The following SPECC1L variants were observed in gnomAD, a reference collection of about 807,000 sequenced individuals.
SPECC1L encodes cytospin-A.
SPECC1L carries 40 observed loss-of-function variants against 116.8 expected under a neutral mutation model. The observed-to-expected ratio is 0.34, with a 90% CI of 0.27 to 0.45. SPECC1L has a LOEUF of 0.45. Ranked by LOEUF, SPECC1L falls within the 20% of genes least tolerant of loss-of-function variation. SPECC1L has a pLI of 1.00. For synonymous variants in SPECC1L, 504 were observed against 500.6 expected, an observed-to-expected ratio of 1.01 and a Z score of -0.09; for missense variants, 1,110 against 1,373.6, an observed-to-expected ratio of 0.81 and a Z score of 3.03.
chr22:24,303,284 C>T (rs1414483877), intron 3 of SPECC1L, among the ~76,000 whole-genome samples: 1 of 152,172 alleles, frequency 6.6e-6, no homozygotes, highest in African/African-American at 2.4e-5. Flanking sequence ...GAACTGAACC[C>T]AGGCTTATTC....
chr22:24,390,884 T>TTTTTTTTTTTTTTTG (rs2042258460), intron 14 of SPECC1L, among the ~76,000 whole-genome samples: 1 of 124,384 alleles, frequency 8.0e-6, no homozygotes, highest in Non-Finnish European at 1.7e-5. Context: ...TTTTTTTTTT[T>TTTTTTTTTTTTTTTG]TTTTTTTTTT....
intron 2 of SPECC1L, among the ~76,000 whole-genome samples, chr22:24,296,925 G>A (rs1170235268): frequency 1.3e-5 from 2 of 151,646 alleles, no homozygotes; most frequent in Admixed American, 1.3e-4. Context: ...CTTTTCCTAT[G>A]ATCTGCACAG....
At chr22:24,393,288 T>C (rs568027552) in intron 14 of SPECC1L, among the ~76,000 whole-genome samples, 16 of 152,340 alleles carry the variant, frequency 1.1e-4, no homozygotes, top group African/African-American at 3.6e-4. Context: ...GATGCTTTTT[T>C]AATGTTGCCT....
chr22:24,302,358 C>T lies in SPECC1L; in HGVS notation c.127C>T (p.Pro43Ser). ...SASTGGKLVK[P>S]GTAASLSKTK... ...ATCTACGGGAGGCAAACTTGTAAAACCTGGAACAGCAGCATCATTGTCAAA... is the reference window on the plus strand; with the variant it reads ...ATCTACGGGAGGCAAACTTGTAAAATCTGGAACAGCAGCATCATTGTCAAA... Residue 43 changes from proline (P) to serine (S), a missense_variant, in exon 3 of 17, where the codon CCT (proline) becomes TCT (serine). Physicochemically the swap from Pro to Ser is moderately conservative, Grantham distance 74. Transcript: ENST00000314328. 6.2e-7 allele frequency: 1 copy of T among 1,614,118 alleles called. No individual in the cohort carries two copies. Among genetic ancestry groups the T allele is most frequent in the Non-Finnish European group, 8.5e-7 (1 of 1,180,016 alleles).
intron 14 of SPECC1L, among the ~76,000 whole-genome samples, chr22:24,385,032 C>T (rs889054981): frequency 2.0e-5 from 3 of 148,620 alleles, no homozygotes; most frequent in African/African-American, 7.5e-5. Flanking sequence ...CACTGAACTC[C>T]ACCCTGGGGC....
At chr22:24,279,143 G>T (rs917739833) in intron 2 of SPECC1L, among the ~76,000 whole-genome samples, 1 of 152,090 alleles carries the variant, frequency 6.6e-6, no homozygotes, top group African/African-American at 2.4e-5. Flanking sequence ...TTATTATATT[G>T]CCCTATTAAT....
At chr22:24,363,464 C>A in intron 12 of SPECC1L, 120 bp downstream of exon 12, 1 of 865,520 alleles carries the variant, frequency 1.2e-6, no homozygotes, top group Non-Finnish European at 1.9e-6. Flanking sequence ...TGGCCTCAAG[C>A]TGTCCTCTCA....
intron 2 of SPECC1L, among the ~76,000 whole-genome samples, chr22:24,280,191 T>G (rs1381405713): frequency 6.6e-6 from 1 of 152,190 alleles, no homozygotes; most frequent in Non-Finnish European, 1.5e-5. Context: ...AGCCTCCCCT[T>G]GTACATGTAG....
chr22:24,353,966 T>C (rs955905934), intron 11 of SPECC1L, among the ~76,000 whole-genome samples: 2 of 152,214 alleles, frequency 1.3e-5, no homozygotes, highest in South Asian at 4.1e-4. Context: ...ATGCAGGCTG[T>C]ATAGGAGGCA....
chr22:24,414,750 C>A lies in SPECC1L; in HGVS notation c.*127C>A. On this transcript the variant is annotated 3_prime_UTR_variant, in exon 17 of 17. Coordinates refer to ENST00000314328, the MANE Select transcript of SPECC1L (RefSeq NM_015330.6). ...TCTGGGCTGCCCCACAGCGTGTGAG[C>A]CTCCAGCTCGGGGCTTCCGTATTGG... is the stretch of plus-strand genomic sequence containing the variant. 1.3e-6 allele frequency: 1 copy of A among 796,474 alleles called. No individual in the cohort carries two copies. The highest frequency in any genetic ancestry group is 2.1e-6 in the Non-Finnish European group (1 of 474,658). 49.3% of individuals were successfully genotyped at this position (796,474 alleles called of 1,614,324 possible). A position where few individuals can be genotyped will look rare whatever the true frequency, so the allele number is the denominator to read the frequency against.
At chr22:24,340,555 G>A (rs1054238428) in intron 10 of SPECC1L, among the ~76,000 whole-genome samples, 1 of 152,106 alleles carries the variant, frequency 6.6e-6, no homozygotes, top group African/African-American at 2.4e-5. Context: ...CTTCAAATAA[G>A]ATGAACTTTA....
chr22:24,373,380 C>A (rs2041908419), intron 14 of SPECC1L, among the ~76,000 whole-genome samples: 1 of 152,174 alleles, frequency 6.6e-6, no homozygotes, highest in Non-Finnish European at 1.5e-5. Context: ...AACTATACTA[C>A]AAGGCTACAG....
chr22:24,312,490 G>A (rs571341751), intron 3 of SPECC1L, among the ~76,000 whole-genome samples: 2 of 152,324 alleles, frequency 1.3e-5, no homozygotes, highest in Admixed American at 6.5e-5. Flanking sequence ...GCTAACTCAT[G>A]CCAAAGAGAG....
rs200109959 is a variant in SPECC1L, at chr22:24,330,601, G to A, written c.2396+170G>A. Among the ~76,000 whole-genome samples, 10 of 152,294 alleles carry A rather than the reference G, an allele frequency of 6.6e-5. No individual in the cohort carries two copies. In the East Asian group the frequency reaches 1.9e-3, roughly 29 times the overall value. ...CTCATTTTATGGCACATGTAAACTA[G>A]TACCATCTATGTGGATCTTTCAGAG... On this transcript the variant is annotated intron_variant, in intron 8 of 16. Coordinates refer to ENST00000314328, the MANE Select transcript of SPECC1L (RefSeq NM_015330.6).
chr22:24,303,286 G>A (rs2049419261), intron 3 of SPECC1L, among the ~76,000 whole-genome samples: 1 of 152,184 alleles, frequency 6.6e-6, no homozygotes, highest in African/African-American at 2.4e-5. Context: ...ACTGAACCCA[G>A]GCTTATTCCC....
At chr22:24,361,790 T>C (rs1387972864) in intron 11 of SPECC1L, among the ~76,000 whole-genome samples, 2 of 151,134 alleles carry the variant, frequency 1.3e-5, no homozygotes, top group Non-Finnish European at 2.9e-5. Flanking sequence ...AGAGAAATCC[T>C]GTTCCCCCCT....
At chr22:24,315,490 CA>C (rs903487497) in intron 4 of SPECC1L, among the ~76,000 whole-genome samples, 1 of 152,262 alleles carries the variant, frequency 6.6e-6, no homozygotes, top group African/African-American at 2.4e-5. Flanking sequence ...CTTTTACTCC[CA>C]AGCCTGGGGT....
chr22:24,347,364 TCTTTCC>T (rs1449842124), intron 11 of SPECC1L, among the ~76,000 whole-genome samples, 188 bp downstream of exon 11: 1 of 152,202 alleles, frequency 6.6e-6, no homozygotes, highest in Non-Finnish European at 1.5e-5. Context: ...AATGAATGCA[TCTTTCC>T]TGACAGCTGT....
Position 24,325,577 on chromosome 22 carries a change from TTATA to T in SPECC1L, c.2146+1151_2146+1154del, listed in dbSNP as rs1026016896. On this transcript the variant is annotated intron_variant, in intron 6 of 16. Transcript: ENST00000314328. Reference sequence around the variant, plus strand: ...TTTATTTATTTATTTATTTATTTATTTATAAGAGGTGACAGTAATAAAAATGTAG... The same window carrying T: ...TTTATTTATTTATTTATTTATTTATTAGAGGTGACAGTAATAAAAATGTAG... Among the ~76,000 whole-genome samples the T allele has an allele frequency of 5.9e-4, 83 of 140,260 alleles. No homozygotes were observed. In the East Asian group the frequency reaches 8.0e-3, roughly 14 times the overall value. 92.0% of individuals were successfully genotyped at this position (140,260 alleles called of 152,430 possible).
Sources: gnomAD v4.1 joint callset for allele counts (sites outside exome capture counted in the v4.1 genomes callset) on GRCh38, gnomAD v4.1.1 for gene constraint, MANE v1.5 for transcripts, NCBI Gene and HGNC (gene_info 2026-07-23, HGNC 2026-07-21) for gene names.